Variants in RHBDL2 observed in about 807,000 individuals in gnomAD.
RHBDL2 encodes rhomboid like 2.
Under a neutral mutation model 31.7 loss-of-function variants are expected in RHBDL2, and 26 were observed. The observed-to-expected ratio is 0.82, with a 90% CI of 0.60 to 1.14. RHBDL2 has a LOEUF of 1.14. Ranked by LOEUF, RHBDL2 falls within the 50% of genes most tolerant of loss-of-function variation. The probability of loss-of-function intolerance (pLI) is 0.00; values close to 1 mark genes in which losing one functional copy is unlikely to be tolerated. For synonymous variants in RHBDL2, 123 were observed against 127.2 expected, an observed-to-expected ratio of 0.97 and a Z score of 0.22; for missense variants, 336 against 364.4, an observed-to-expected ratio of 0.92 and a Z score of 0.63.
intron 1 of RHBDL2, chr1:38,926,448 C>T (rs1643376251): frequency 6.5e-6 from 1 of 152,852 alleles, no homozygotes; most frequent in Non-Finnish European, 1.5e-5. Flanking sequence ...TTTCTACAGC[C>T]TTCAAGTGAT....
At chr1:38,932,285 GGT>G (rs1202879454) in intron 1 of RHBDL2, among the ~76,000 whole-genome samples, 3 of 151,854 alleles carry the variant, frequency 2.0e-5, no homozygotes, top group Admixed American at 6.6e-5. Context: ...AAAGCACCAA[GGT>G]GCCAGACCTA....
intron 2 of RHBDL2, among the ~76,000 whole-genome samples, chr1:38,917,472 G>C (rs1356138255): frequency 6.6e-6 from 1 of 152,140 alleles, no homozygotes; most frequent in Non-Finnish European, 1.5e-5. Context: ...CTCCTCCATA[G>C]CACTCATTGC....
intron 1 of RHBDL2, chr1:38,926,523 TC>T (rs1643376947): frequency 6.6e-6 from 1 of 152,330 alleles, no homozygotes; most frequent in African/African-American, 2.4e-5. Flanking sequence ...CAGAATCAGT[TC>T]CCATCTTTTG....
chr1:38,898,204 T>G (rs1199166994), intron 4 of RHBDL2, among the ~76,000 whole-genome samples: 4 of 152,132 alleles, frequency 2.6e-5, no homozygotes, highest in Non-Finnish European at 5.9e-5. Flanking sequence ...CTGGGGAGTC[T>G]GAGGCACGAG....
At chr1:38,902,319 C>G (rs1643003193) in intron 4 of RHBDL2, among the ~76,000 whole-genome samples, 2 of 147,294 alleles carry the variant, frequency 1.4e-5, no homozygotes, top group Admixed American at 6.9e-5. Context: ...GATTTTTCTA[C>G]CTCAGCCTCC....
chr1:38,933,683 G>T (rs886602472), intron 1 of RHBDL2, among the ~76,000 whole-genome samples: 1 of 151,096 alleles, frequency 6.6e-6, no homozygotes, highest in African/African-American at 2.4e-5. Flanking sequence ...GCAAACACAT[G>T]GCCGGCGATG....
At chr1:38,911,503 C>A in intron 3 of RHBDL2, 69 bp from the exon 4 acceptor site, 1 of 1,033,684 alleles carries the variant, frequency 9.7e-7, no homozygotes, top group South Asian at 1.3e-5. Flanking sequence ...GGGAGATGAA[C>A]AGACTTTCAT....
In RHBDL2 at chr1:38,936,059, C is replaced by T. The variant is rs6699718; in HGVS notation, c.-126+5623G>A. Among the ~76,000 whole-genome samples, 1,246 of 152,016 alleles carry T rather than the reference C, an allele frequency of 8.2e-3. 19 individuals carry two copies. Among genetic ancestry groups the T allele is most frequent in the African/African-American group, 0.028 (1,169 of 41,448 alleles). On this transcript the variant is annotated intron_variant, in intron 1 of 7. Transcript: ENST00000372990. ...TCCCAAATAGCTAGGACCACAGGCA[C>T]ATGCCACCACGCCCAGCAAATCTTG...
intron 3 of RHBDL2, among the ~76,000 whole-genome samples, chr1:38,913,016 T>G (rs545722340): frequency 6.9e-6 from 1 of 145,696 alleles, no homozygotes; most frequent in East Asian, 2.0e-4. Context: ...AGAGTCTCAC[T>G]CTGTCACCCA....
intron 4 of RHBDL2, among the ~76,000 whole-genome samples, chr1:38,897,594 G>C (rs1642935586): frequency 1.3e-5 from 2 of 151,968 alleles, no homozygotes; most frequent in African/African-American, 4.8e-5. Flanking sequence ...ACCCGCCTGT[G>C]GTCCTTGCTA....
In RHBDL2 at chr1:38,887,955, G is replaced by A. The variant is rs771171874; in HGVS notation, c.732+8C>T. The A allele has an allele frequency of 2.5e-6, 4 of 1,585,134 alleles. No individual in the cohort carries two copies. The highest frequency in any genetic ancestry group is 3.5e-6 in the Non-Finnish European group (4 of 1,155,508). On this transcript the variant is annotated splice_region_variant and intron_variant, in intron 7 of 7. Transcript: ENST00000372990. ...TTCTATTTTATAAAAGAAAGAAACT[G>A]AACTCACCGGAGACCCATCTTCAGG...
intron 1 of RHBDL2, among the ~76,000 whole-genome samples, chr1:38,939,056 C>T (rs1313882470): frequency 2.6e-5 from 4 of 152,186 alleles, no homozygotes; most frequent in Non-Finnish European, 5.9e-5. Flanking sequence ...GATCCCTGCC[C>T]TCTTGAAACT....
Position 38,888,025 on chromosome 1 carries a change from C to A in RHBDL2, c.671-1G>T, listed in dbSNP as rs765759215. 2 of 1,611,564 alleles carry A rather than the reference C, an allele frequency of 1.2e-6. No homozygotes were observed. The highest frequency in any genetic ancestry group is 1.7e-6 in the Non-Finnish European group (2 of 1,177,904). On this transcript the variant is annotated splice_acceptor_variant, in intron 6 of 7. Coordinates refer to ENST00000372990, the MANE Select transcript of RHBDL2 (RefSeq NM_017821.5). LOFTEE classifies it high-confidence loss of function. Reference sequence around the variant, plus strand: ...AGAGCAAATCCCATGTCCAACACAACTAGAAGGAAAAACACCCTGATAAAG... The same window carrying A: ...AGAGCAAATCCCATGTCCAACACAAATAGAAGGAAAAACACCCTGATAAAG...
At chr1:38,923,583 C>T (rs1402467105) in intron 1 of RHBDL2, among the ~76,000 whole-genome samples, 3 of 152,182 alleles carry the variant, frequency 2.0e-5, no homozygotes, top group Non-Finnish European at 2.9e-5. Flanking sequence ...TGGGATACAG[C>T]GTTCAGAAAC....
rs543565197 is a variant in RHBDL2, at chr1:38,886,276, C to G, written c.*228G>C. On this transcript the variant is annotated 3_prime_UTR_variant, in exon 8 of 8. Coordinates refer to ENST00000372990, the MANE Select transcript of RHBDL2 (RefSeq NM_017821.5). Reference sequence around the variant, plus strand: ...GGCCCCAATCTCTAGTTTTTACTACCCTTCTTTTCTCTCTTCTTCTTCCCT... The same window carrying G: ...GGCCCCAATCTCTAGTTTTTACTACGCTTCTTTTCTCTCTTCTTCTTCCCT... The G allele has an allele frequency of 2.0e-5, 6 of 302,512 alleles. No individual in the cohort carries two copies. The highest frequency in any genetic ancestry group is 1.0e-4 in the Admixed American group (2 of 19,682). The allele number at this position is 302,512 out of a possible 1,614,324, so 18.7% of individuals were successfully genotyped here. A position where few individuals can be genotyped will look rare whatever the true frequency, so the allele number is the denominator to read the frequency against.
Position 38,896,053 on chromosome 1 carries a change from G to A in RHBDL2, c.525C>T (p.Ser175=), listed in dbSNP as rs528375132. 1.4e-5 allele frequency: 22 copies of A among 1,613,386 alleles called. No homozygotes were observed. In the Admixed American group the frequency reaches 3.5e-4, roughly 26 times the overall value. The stretch of plus-strand genomic sequence containing the variant: ...CAAGATATCTGAGTGGGTCAAAGAT[G>A]GAGCTGGCAAGGGACCCTAAAGAAA... ...AGVIAGSLAS[S]IFDPLRYLVG... is the part of the protein sequence containing the mutation. The change falls in exon 5 of 8, where the codon TCC becomes TCT. Residue 175 remains serine (S), a synonymous_variant. Coordinates refer to ENST00000372990, the MANE Select transcript of RHBDL2 (RefSeq NM_017821.5).
chr1:38,898,493 C>T (rs1206051524), intron 4 of RHBDL2, among the ~76,000 whole-genome samples: 5 of 152,196 alleles, frequency 3.3e-5, no homozygotes, highest in African/African-American at 4.8e-5. Flanking sequence ...AAGCCAAAAG[C>T]ACTGGACAAC....
At chr1:38,922,175 T>C (rs186068972) in intron 1 of RHBDL2, among the ~76,000 whole-genome samples, 1 of 152,118 alleles carries the variant, frequency 6.6e-6, no homozygotes, top group Admixed American at 6.6e-5. Flanking sequence ...GTCTGCTTTC[T>C]GCCTTGCCTT....
At chr1:38,909,175 C>T (rs1031510804) in intron 4 of RHBDL2, among the ~76,000 whole-genome samples, 1 of 151,978 alleles carries the variant, frequency 6.6e-6, no homozygotes, top group Non-Finnish European at 1.5e-5. Flanking sequence ...AGGATGGGGG[C>T]GTGGCAAGTC....
Sources: gnomAD v4.1 joint callset for allele counts (sites outside exome capture counted in the v4.1 genomes callset) on GRCh38, gnomAD v4.1.1 for gene constraint, MANE v1.5 for transcripts, NCBI Gene and HGNC (gene_info 2026-07-23, HGNC 2026-07-21) for gene names.